MORN1: variants seen among roughly 807,000 people sequenced by gnomAD.
The protein encoded by MORN1 is MORN repeat-containing protein 1.
In MORN1, 67 loss-of-function variants were observed where a neutral mutation model predicts 61.9. That is an observed-to-expected ratio of 1.08 (90% CI 0.89 to 1.33). MORN1 has a LOEUF of 1.33. MORN1 is among the 40% of genes most tolerant of loss of function. MORN1 has a pLI of 0.00. For missense variants in MORN1, 752 were observed against 691.2 expected (o/e 1.09, Z -0.99); for synonymous variants, 301 against 292.0 (o/e 1.03, Z -0.31).
chr1:2,376,547 C>G (rs1000854410), intron 6 of MORN1: 2 of 152,290 alleles, frequency 1.3e-5, no homozygotes, highest in Non-Finnish European at 2.9e-5. Flanking sequence ...GCAGGGGAAG[C>G]CAGACACACT....
intron 5 of MORN1, 63 bp downstream of exon 5, chr1:2,385,744 G>A (rs1642482020): frequency 6.8e-7 from 1 of 1,480,332 alleles, no homozygotes; most frequent in Non-Finnish European, 9.4e-7. Flanking sequence ...CAGGCCACAT[G>A]GCCTCACACC....
chr1:2,322,313 C>T lies in MORN1; in HGVS notation c.1298-734G>A, dbSNP rs938134559. The T allele has an allele frequency of 3.3e-5, 33 of 985,274 alleles. No individual in the cohort carries two copies. In the South Asian group the frequency reaches 6.1e-4, roughly 18 times the overall value. The allele number at this position is 985,274 out of a possible 1,614,324, so 61.0% of individuals were successfully genotyped here. ...GGCTGGCACCGGAGCGTGGAAAAAG[C>T]GCCTCGGCTGGCCCGGGCTCACACC... On this transcript the variant is annotated intron_variant, in intron 13 of 13. Coordinates refer to ENST00000378531, the MANE Select transcript of MORN1 (RefSeq NM_024848.3).
intron 10 of MORN1, among the ~76,000 whole-genome samples, chr1:2,348,996 C>T (rs1641592167): frequency 1.3e-5 from 2 of 152,184 alleles, no homozygotes; most frequent in Non-Finnish European, 2.9e-5. Flanking sequence ...TTCTTTGTGT[C>T]CACAGGCCCT....
intron 10 of MORN1, among the ~76,000 whole-genome samples, chr1:2,348,668 C>T (rs549962654): frequency 5.0e-5 from 7 of 138,752 alleles, no homozygotes; most frequent in South Asian, 2.2e-4. Context: ...CGCACGCACA[C>T]GCACACCTGC....
At chr1:2,330,124 A>G (rs943065252) in intron 12 of MORN1, among the ~76,000 whole-genome samples, 2 of 152,304 alleles carry the variant, frequency 1.3e-5, no homozygotes, top group Non-Finnish European at 2.9e-5. Flanking sequence ...AGCCAGCGGC[A>G]CAGGCCTCCC....
rs28394874 is a variant in MORN1 at position 2,337,211 on chromosome 1, C to A, written c.1037-361G>T. Among the ~76,000 whole-genome samples, 80 of 152,114 alleles carry A rather than the reference C, an allele frequency of 5.3e-4. No homozygotes were observed. Among genetic ancestry groups the A allele is most frequent in the African/African-American group, 1.8e-3 (75 of 41,492 alleles). On this transcript the variant is annotated intron_variant, in intron 10 of 13. Coordinates refer to ENST00000378531, the MANE Select transcript of MORN1 (RefSeq NM_024848.3). The surrounding 1 kb of genome is among the most constrained non-coding windows in gnomAD (Gnocchi z 5.7). ...GTAGGGCCGGGACCGGGGCCCTGGC[C>A]GGAGAGGCTGGCGCTCAACAGTACA... is the stretch of plus-strand genomic sequence containing the variant.
At chr1:2,373,680 G>C (rs924716552) in intron 7 of MORN1, among the ~76,000 whole-genome samples, 4 of 152,178 alleles carry the variant, frequency 2.6e-5, no homozygotes, top group African/African-American at 9.7e-5. Flanking sequence ...TGTGCGTGCG[G>C]GTGCTGGGAC....
chr1:2,347,769 C>A (rs1366424494), intron 10 of MORN1, among the ~76,000 whole-genome samples: 1 of 152,188 alleles, frequency 6.6e-6, no homozygotes, highest in Non-Finnish European at 1.5e-5. Flanking sequence ...GCCCCCGCTG[C>A]CCCCGTCACC....
intron 5 of MORN1, 169 bp from the exon 6 acceptor site, chr1:2,385,234 C>T (rs959480796): frequency 2.1e-5 from 14 of 651,846 alleles, no homozygotes; most frequent in African/African-American, 1.3e-4. Context: ...AGCTGGGGGC[C>T]GACGACAGGC....
chr1:2,350,262 G>A (rs1641615290), intron 10 of MORN1, among the ~76,000 whole-genome samples: 2 of 152,200 alleles, frequency 1.3e-5, no homozygotes, highest in Non-Finnish European at 2.9e-5. Context: ...TCCATGTCTT[G>A]GAAATCATCT....
At chr1:2,351,451 C>A in intron 10 of MORN1, 1 of 165,828 alleles carries the variant, frequency 6.0e-6, no homozygotes, top group South Asian at 1.5e-4. Flanking sequence ...TCGGTTGGTG[C>A]ACTTGCGGGG....
At position 2,336,844 on chromosome 1, in the gene MORN1, C is replaced by G; in HGVS notation, c.1043G>C (p.Gly348Ala). Residue 348 changes from glycine to alanine, a missense_variant, in exon 11 of 14, where the codon GGA becomes GCA. Gly to Ala is a moderately conservative substitution (Grantham distance 60, BLOSUM62 0). Transcript: ENST00000378531. The part of the protein sequence containing the change: ...EDTPGGLLAR[G>A]HAPHCPGACQ... ...GGCCCCGGGACAATGGGGCGCATGT[C>G]CCCTGGCTGAGGAGACAGAATGAAG... 1.3e-6 allele frequency: 2 copies of G among 1,565,594 alleles called. No homozygotes were observed.
At chr1:2,328,987 CGAA>C (rs1430024060) in intron 12 of MORN1, among the ~76,000 whole-genome samples, 1 of 152,208 alleles carries the variant, frequency 6.6e-6, no homozygotes, top group African/African-American at 2.4e-5. Context: ...TTTCCCAGGT[CGAA>C]GAAGGTCAGA....
intron 8 of MORN1, among the ~76,000 whole-genome samples, chr1:2,362,174 A>G (rs1557882334): frequency 1.3e-5 from 2 of 152,084 alleles, no homozygotes; most frequent in Non-Finnish European, 2.9e-5. Flanking sequence ...GGAGGTTGCA[A>G]TGAGCTCTGA....
In MORN1 at chr1:2,336,825, G is replaced by A. The variant is rs143883437; in HGVS notation, c.1062C>T (p.Pro354=). 2.5e-4 allele frequency: 397 copies of A among 1,587,324 alleles called. No individual in the cohort carries two copies. The African/African-American group carries it at 2.5e-3, about 10-fold the overall frequency. The change falls in exon 11 of 14, where the codon CCC becomes CCT. Residue 354 remains proline, a synonymous_variant. Coordinates refer to ENST00000378531, the MANE Select transcript of MORN1 (RefSeq NM_024848.3). ...CCTGCTCCACTCGCTGACAGGCCCC[G>A]GGACAATGGGGCGCATGTCCCCTGG... ...LLARGHAPHC[P]GACQRVEQGC... is the part of the protein sequence containing the mutation.
intron 1 of MORN1, chr1:2,390,896 C>T (rs549510055): frequency 2.2e-5 from 7 of 316,852 alleles, no homozygotes; most frequent in Non-Finnish European, 3.2e-5. Flanking sequence ...CTACAGGAGG[C>T]ACCACCCCGG....
intron 12 of MORN1, among the ~76,000 whole-genome samples, chr1:2,335,827 A>ACAGCCCAGCCCAGCCCAGCCCAGCC (rs1641254049): frequency 7.3e-6 from 1 of 136,258 alleles, no homozygotes; most frequent in African/African-American, 3.8e-5. Flanking sequence ...CCTCGCCTCC[A>ACAGCCCAGCCCAGCCCAGCCCAGCC]TAGCCCAGCC....
rs1414020924 is a variant in MORN1, at chr1:2,328,256, G to A, written c.1251-4113C>T. 2.0e-5 allele frequency among the ~76,000 whole-genome samples: 3 copies of A among 152,280 alleles called. No homozygotes were observed. The East Asian group carries it at 5.8e-4, about 29-fold the overall frequency. The stretch of plus-strand genomic sequence containing the variant: ...CTGAGGCCAGTTTGCTGCCAGGCCA[G>A]GGAGGGCGGTTTGCAGCGGGGCTGT... On this transcript the variant is annotated intron_variant, in intron 12 of 13. Transcript: ENST00000378531.
At chr1:2,338,472 C>T (rs1371773168) in intron 10 of MORN1, among the ~76,000 whole-genome samples, 1 of 152,090 alleles carries the variant, frequency 6.6e-6, no homozygotes, top group African/African-American at 2.4e-5. Context: ...CGTCTTTTAT[C>T]GACACCCCCT....
Sources: gnomAD v4.1 joint callset for allele counts (sites outside exome capture counted in the v4.1 genomes callset) on GRCh38, gnomAD v4.1.1 for gene constraint, Gnocchi (gnomAD v3.1) non-coding constraint, MANE v1.5 for transcripts, NCBI Gene and HGNC (gene_info 2026-07-23, HGNC 2026-07-21) for gene names.